PTGER4: variants seen among roughly 807,000 people sequenced by gnomAD.
PTGER4 encodes the protein prostaglandin E receptor 4.
PTGER4 carries 11 observed loss-of-function variants against 33.2 expected under a neutral mutation model. The observed-to-expected ratio is 0.33, with a 90% CI of 0.21 to 0.55. The LOEUF is 0.55. PTGER4 is among the 20% of genes least tolerant of loss of function. The pLI, the probability that PTGER4 is intolerant of heterozygous loss-of-function variation, is 0.92. For synonymous variants in PTGER4, 275 were observed against 281.5 expected, an observed-to-expected ratio of 0.98 and a Z score of 0.23; for missense variants, 481 against 650.2, an observed-to-expected ratio of 0.74 and a Z score of 2.83.
intron 2 of PTGER4, chr5:40,685,221 G>C (rs903223281): frequency 6.1e-6 from 1 of 164,122 alleles, no homozygotes; most frequent in Admixed American, 6.5e-5. Flanking sequence ...TTAATCTTCT[G>C]CCTTGGTGAG....
rs1253860299 is a variant in PTGER4, at chr5:40,691,095, A to C, written c.868-684A>C. Among the ~76,000 whole-genome samples the C allele has an allele frequency of 6.6e-6, 1 of 152,156 alleles. No homozygotes were observed. Among genetic ancestry groups the C allele is most frequent in the Non-Finnish European group, 1.5e-5 (1 of 68,006 alleles). On this transcript the variant is annotated intron_variant, in intron 2 of 2. Coordinates refer to ENST00000302472, the MANE Select transcript of PTGER4 (RefSeq NM_000958.3). The surrounding 1 kb of genome is among the most constrained non-coding windows in gnomAD (Gnocchi z 4.2). ...GAGTGCAGTGGCATCATCTCAGCTC[A>C]CTGCAACCTCCACCCGCCGCATTCA...
chr5:40,717,418 C>CTCT, the PTGER4 span, among the ~76,000 whole-genome samples: 1 of 152,084 alleles, frequency 6.6e-6, no homozygotes, highest in Non-Finnish European at 1.5e-5. Context: ...AGAGTCCATT[C>CTCT]TCTTATTCAT....
the PTGER4 span, among the ~76,000 whole-genome samples, chr5:40,720,529 G>T: frequency 1.3e-5 from 2 of 152,098 alleles, no homozygotes; most frequent in African/African-American, 4.8e-5. Flanking sequence ...TCAAATTTAA[G>T]ATAGTTTAAA....
At position 40,692,760 on chromosome 5, in the gene PTGER4, G is replaced by A; in HGVS notation, c.*382G>A. 2.0e-6 allele frequency: 2 copies of A among 1,003,784 alleles called. No homozygotes were observed. Among genetic ancestry groups the A allele is most frequent in the Non-Finnish European group, 2.4e-6 (2 of 840,906 alleles). The allele number at this position is 1,003,784 out of a possible 1,614,324, so 62.2% of individuals were successfully genotyped here. On this transcript the variant is annotated 3_prime_UTR_variant, in exon 3 of 3. Coordinates refer to ENST00000302472, the MANE Select transcript of PTGER4 (RefSeq NM_000958.3). ...GAAAGGCTCTATTCCAATAAACTATGAGGACTGCCTTATGGATGATTTAAG... is the reference window on the plus strand; with the variant it reads ...GAAAGGCTCTATTCCAATAAACTATAAGGACTGCCTTATGGATGATTTAAG...
chr5:40,739,621 C>T, the PTGER4 span, among the ~76,000 whole-genome samples: 2 of 152,194 alleles, frequency 1.3e-5, no homozygotes, highest in Non-Finnish European at 2.9e-5. Context: ...CTGGCTCCTA[C>T]CTTTGCCTTC....
chr5:40,745,016 A>G, the PTGER4 span, among the ~76,000 whole-genome samples: 4 of 152,228 alleles, frequency 2.6e-5, no homozygotes, highest in Non-Finnish European at 4.4e-5. Context: ...CAAGAAACAC[A>G]TGAGATAGAG....
At chr5:40,718,304 G>T in the PTGER4 span, among the ~76,000 whole-genome samples, 1 of 152,156 alleles carries the variant, frequency 6.6e-6, no homozygotes, top group Non-Finnish European at 1.5e-5. Flanking sequence ...TACTTAGGAG[G>T]CTGAGGCAGG....
At chr5:40,733,106 A>G in the PTGER4 span, among the ~76,000 whole-genome samples, 1 of 152,206 alleles carries the variant, frequency 6.6e-6, no homozygotes, top group African/African-American at 2.4e-5. Flanking sequence ...TGTTCCGTTC[A>G]TTATTTCATA....
downstream of PTGER4, among the ~76,000 whole-genome samples, chr5:40,695,106 A>C (rs980255732): frequency 3.3e-5 from 5 of 152,172 alleles, no homozygotes; most frequent in African/African-American, 1.2e-4. Context: ...ATAGATTTGC[A>C]GGACTATTAA....
intron 2 of PTGER4, among the ~76,000 whole-genome samples, chr5:40,687,326 T>C (rs1204486399): frequency 6.6e-6 from 1 of 152,238 alleles, no homozygotes; most frequent in Non-Finnish European, 1.5e-5. Context: ...ATTACAGGCA[T>C]GAGCCACCAT....
the PTGER4 span, among the ~76,000 whole-genome samples, chr5:40,724,373 G>C: frequency 1.3e-5 from 2 of 152,070 alleles, no homozygotes; most frequent in Non-Finnish European, 2.9e-5. Flanking sequence ...AGTGGCTCAC[G>C]CCTGTAATCC....
intron 2 of PTGER4, among the ~76,000 whole-genome samples, chr5:40,686,529 G>T (rs542055505): frequency 2.0e-4 from 31 of 152,322 alleles, no homozygotes; most frequent in Middle Eastern, 3.4e-3. Context: ...TTAATAATTT[G>T]TACATACGTT....
At chr5:40,742,869 A>G in the PTGER4 span, among the ~76,000 whole-genome samples, 1 of 152,182 alleles carries the variant, frequency 6.6e-6, no homozygotes, top group Non-Finnish European at 1.5e-5. Flanking sequence ...TTCTATAGAT[A>G]TCATGCAGTA....
chr5:40,694,776 C>T (rs916978090), downstream of PTGER4, among the ~76,000 whole-genome samples: 2 of 152,194 alleles, frequency 1.3e-5, no homozygotes, highest in Non-Finnish European at 2.9e-5. Context: ...GTGTCCTTTT[C>T]ATTGTTGAGC....
At chr5:40,728,483 G>A in the PTGER4 span, 2 of 1,580,098 alleles carry the variant, frequency 1.3e-6, no homozygotes, top group Non-Finnish European at 1.7e-6. Context: ...GCACCTATAG[G>A]CAAAAAAAGA....
At chr5:40,728,295 A>AAAAAAAAAAAAAAAAAAT in the PTGER4 span, 1 of 1,239,904 alleles carries the variant, frequency 8.1e-7, no homozygotes, top group Non-Finnish European at 1.1e-6. Context: ...AAAAAAAAAA[A>AAAAAAAAAAAAAAAAAAT]GTCAAAATAT....
chr5:40,739,193 C>T, the PTGER4 span, among the ~76,000 whole-genome samples: 1 of 152,138 alleles, frequency 6.6e-6, no homozygotes, highest in Non-Finnish European at 1.5e-5. Context: ...TATAAGTTCC[C>T]TAAGTATGTT....
At chr5:40,720,286 C>A in the PTGER4 span, among the ~76,000 whole-genome samples, 1 of 152,180 alleles carries the variant, frequency 6.6e-6, no homozygotes, top group African/African-American at 2.4e-5. Flanking sequence ...ACTGCCTCAG[C>A]ACCATTTGCT....
At chr5:40,714,374 A>G in the PTGER4 span, 2 of 152,186 alleles carry the variant, frequency 1.3e-5, no homozygotes, top group African/African-American at 4.8e-5. Flanking sequence ...GCACCATGCA[A>G]GGTACTTTAA....
Sources: allele counts gnomAD v4.1 joint callset (sites outside exome capture counted in the v4.1 genomes callset), GRCh38; gene constraint gnomAD v4.1.1; non-coding constraint Gnocchi (gnomAD v3.1); transcripts MANE v1.5; gene names NCBI Gene and HGNC (gene_info 2026-07-23, HGNC 2026-07-21).